The following SIRT1 variants were observed in gnomAD, a reference collection of about 807,000 sequenced individuals.
SIRT1 encodes NAD-dependent protein deacetylase sirtuin-1.
A neutral mutation model predicts 67.9 loss-of-function variants in SIRT1; 24 were observed. That is an observed-to-expected ratio of 0.35 (90% CI 0.26 to 0.50). The LOEUF (loss-of-function observed/expected upper bound fraction) is 0.50. SIRT1 is among the 20% of genes least tolerant of loss of function. The pLI is 0.98. For missense variants in SIRT1, 873 were observed against 937.2 expected, an observed-to-expected ratio of 0.93 and a Z score of 0.89; for synonymous variants, 378 against 350.7, an observed-to-expected ratio of 1.08 and a Z score of -0.87.
chr10:67,884,715 T>C lies in SIRT1; in HGVS notation c.-7T>C, dbSNP rs1842446676. 1 of 1,228,560 alleles carries C rather than the reference T, an allele frequency of 8.1e-7. No individual in the cohort carries two copies. The allele number at this position is 1,228,560 out of a possible 1,614,324, so 76.1% of individuals were successfully genotyped here. On this transcript the variant is annotated 5_prime_UTR_variant, in exon 1 of 9. Coordinates refer to ENST00000212015, the MANE Select transcript of SIRT1 (RefSeq NM_012238.5). ...CGAGGGAGGAGGGCCAGAGAGGCAG[T>C]TGGAAGATGGCGGACGAGGCGGCCC...
chr10:67,911,473 A>C (rs1474627230), intron 7 of SIRT1, among the ~76,000 whole-genome samples: 1 of 152,110 alleles, frequency 6.6e-6, no homozygotes, highest in Non-Finnish European at 1.5e-5. Flanking sequence ...GATTACAGGC[A>C]TGAGCTACCA....
At chr10:67,897,406 G>T (rs1277668732) in intron 4 of SIRT1, among the ~76,000 whole-genome samples, 1 of 151,266 alleles carries the variant, frequency 6.6e-6, no homozygotes, top group Non-Finnish European at 1.5e-5. Flanking sequence ...TCCTGCCTTA[G>T]CCTCTTGAGT....
chr10:67,916,391 A>G lies in SIRT1; in HGVS notation c.2042A>G (p.Gln681Arg). 1.9e-6 allele frequency: 3 copies of G among 1,614,228 alleles called. No homozygotes were observed. The highest frequency in any genetic ancestry group is 2.5e-6 in the Non-Finnish European group (3 of 1,180,038). The change falls in exon 9 of 9, where the codon CAG becomes CGG. Residue 681 changes from glutamine to arginine, a missense_variant. By Grantham distance (43) the Gln-to-Arg change is conservative (BLOSUM62 1). Around this residue, in one of 3 missense-constraint regions of SIRT1, gnomAD observed 295 missense variants for 294.5 expected, o/e 1.00. Transcript: ENST00000212015. ...CGSNSDSGTCQSPSLEEPMED... is the reference protein window; with the variant it reads ...CGSNSDSGTCRSPSLEEPMED... ...AGTAACAGTGATAGTGGGACATGCCAGAGTCCAAGTTTAGAAGAACCCATG... is the reference window on the plus strand; with the variant it reads ...AGTAACAGTGATAGTGGGACATGCCGGAGTCCAAGTTTAGAAGAACCCATG...
chr10:67,887,610 C>G, intron 2 of SIRT1, 77 bp downstream of exon 2: 1 of 986,312 alleles, frequency 1.0e-6, no homozygotes, highest in Non-Finnish European at 1.6e-6. Flanking sequence ...GAGTTTCGCT[C>G]TTGTTGCGGA....
intron 8 of SIRT1, among the ~76,000 whole-genome samples, 173 bp from the exon 9 acceptor site, chr10:67,916,092 T>C (rs2029903202): frequency 6.6e-6 from 1 of 152,164 alleles, no homozygotes; most frequent in Non-Finnish European, 1.5e-5. Context: ...GCCTCCTGAG[T>C]AGCTGGGACT....
At chr10:67,896,886 T>C (rs746417255) in intron 4 of SIRT1, among the ~76,000 whole-genome samples, 1 of 150,552 alleles carries the variant, frequency 6.6e-6, no homozygotes, top group East Asian at 2.0e-4. Flanking sequence ...TGAGGCTAAC[T>C]GAGGTGGCTC....
At chr10:67,888,549 C>G (rs1008818401) in intron 2 of SIRT1, among the ~76,000 whole-genome samples, 1 of 152,032 alleles carries the variant, frequency 6.6e-6, no homozygotes, top group Non-Finnish European at 1.5e-5. Flanking sequence ...TACGATTTTT[C>G]TATGTCGTAG....
At chr10:67,904,101 T>G (rs1279996073) in intron 4 of SIRT1, among the ~76,000 whole-genome samples, 1 of 151,616 alleles carries the variant, frequency 6.6e-6, no homozygotes, top group Non-Finnish European at 1.5e-5. Context: ...TTTTCATTAT[T>G]TCAGATTTTT....
At chr10:67,910,585 T>G (rs1162763466) in intron 7 of SIRT1, among the ~76,000 whole-genome samples, 4 of 152,202 alleles carry the variant, frequency 2.6e-5, no homozygotes, top group Non-Finnish European at 5.9e-5. Context: ...GATTTCACAT[T>G]TAATAAATTC....
chr10:67,915,741 C>A lies in SIRT1; in HGVS notation c.1916-524C>A, dbSNP rs189612436. ...TGTGTACTTTAGAGAAGCTACTTAA[C>A]ACAAATTGGGTATCTAATGTAGGCT... On this transcript the variant is annotated intron_variant, in intron 8 of 8. Transcript: ENST00000212015. Among the ~76,000 whole-genome samples, 225 of 143,502 alleles carry A rather than the reference C, an allele frequency of 1.6e-3. 1 individual carries two copies. Among genetic ancestry groups the A allele is most frequent in the African/African-American group, 5.3e-3 (217 of 40,992 alleles). 94.1% of individuals were successfully genotyped at this position (143,502 alleles called of 152,430 possible).
intron 3 of SIRT1, among the ~76,000 whole-genome samples, chr10:67,890,755 G>T (rs33960442): frequency 6.6e-6 from 1 of 151,072 alleles, no homozygotes; most frequent in African/African-American, 2.4e-5. Context: ...AAAAAGCCGG[G>T]CGCGGTGGCT....
rs200204866 is a variant in SIRT1, at chr10:67,917,646, C to A, written c.*1053C>A. The A allele has an allele frequency of 1.3e-5, 2 of 152,662 alleles. No homozygotes were observed. Among genetic ancestry groups the A allele is most frequent in the African/African-American group, 2.4e-5 (1 of 41,526 alleles). 9.5% of individuals were successfully genotyped at this position (152,662 alleles called of 1,614,324 possible). A position where few individuals can be genotyped will look rare whatever the true frequency, so the allele number is the denominator to read the frequency against. ...AATAAGATGTTAATTGTAATTCAGC[C>A]AGAAAGTACATGTCTCCCATTGGGA... is the stretch of plus-strand genomic sequence containing the variant. On this transcript the variant is annotated 3_prime_UTR_variant, in exon 9 of 9. Transcript: ENST00000212015.
chr10:67,913,941 G>A (rs1021088657), intron 8 of SIRT1, among the ~76,000 whole-genome samples: 1 of 146,704 alleles, frequency 6.8e-6, no homozygotes, highest in Non-Finnish European at 1.5e-5. Flanking sequence ...GAGACACAGT[G>A]ATTAATGTTG....
intron 4 of SIRT1, among the ~76,000 whole-genome samples, chr10:67,894,014 C>T (rs1347098684): frequency 1.3e-5 from 2 of 152,142 alleles, no homozygotes; most frequent in African/African-American, 4.8e-5. Flanking sequence ...GTAGCTCGTG[C>T]CTATAATCCC....
intron 8 of SIRT1, among the ~76,000 whole-genome samples, chr10:67,914,087 T>G (rs1414903749): frequency 4.4e-5 from 3 of 68,782 alleles, no homozygotes; most frequent in Non-Finnish European, 1.1e-4. Flanking sequence ...TTTTTTTTTT[T>G]TTGTGACGGA....
chr10:67,905,021 G>A (rs1312369487), intron 4 of SIRT1, among the ~76,000 whole-genome samples: 1 of 152,080 alleles, frequency 6.6e-6, no homozygotes, highest in Non-Finnish European at 1.5e-5. Flanking sequence ...GTTAATTCAG[G>A]GACGGTGGAG....
At chr10:67,912,379 G>T in intron 7 of SIRT1, 95 bp from the exon 8 acceptor site, 2 of 1,133,582 alleles carry the variant, frequency 1.8e-6, no homozygotes, top group East Asian at 2.4e-5. Flanking sequence ...TGGAGCTCAA[G>T]CCCTTGTTGG....
chr10:67,916,801 TTAAA>T lies in SIRT1; in HGVS notation c.*209_*212del, dbSNP rs1215820838. ...AAACTCAACACTAACTTTTTTTTTT[TTAAA>T]AAAAAAAAGGTACTAAGTATCTTCA... On this transcript the variant is annotated 3_prime_UTR_variant, in exon 9 of 9. Coordinates refer to ENST00000212015, the MANE Select transcript of SIRT1 (RefSeq NM_012238.5). 1 of 343,142 alleles carries T rather than the reference TTAAA, an allele frequency of 2.9e-6. No homozygotes were observed. The highest frequency in any genetic ancestry group is 2.1e-5 in the African/African-American group (1 of 46,974). The allele number at this position is 343,142 out of a possible 1,614,324, so 21.3% of individuals were successfully genotyped here. A position where few individuals can be genotyped will look rare whatever the true frequency, so the allele number is the denominator to read the frequency against.
intron 4 of SIRT1, among the ~76,000 whole-genome samples, chr10:67,899,792 TAA>T (rs1400489406): frequency 3.3e-5 from 5 of 152,066 alleles, no homozygotes; most frequent in African/African-American, 1.2e-4. Flanking sequence ...AAAACTATAG[TAA>T]GTAAAAGAGG....
Sources: allele counts gnomAD v4.1 joint callset (sites outside exome capture counted in the v4.1 genomes callset), GRCh38; gene constraint gnomAD v4.1.1; regional missense constraint gnomAD v4.1.1; transcripts MANE v1.5; gene names NCBI Gene and HGNC (gene_info 2026-07-23, HGNC 2026-07-21).